Variants in CUBN observed in about 807,000 individuals in gnomAD.
The protein encoded by CUBN is 460 kDa receptor.
A neutral mutation model predicts 405.3 loss-of-function variants in CUBN; 282 were observed. The ratio of observed to expected loss-of-function variants is 0.70; its 90% CI spans 0.63 to 0.77. CUBN has a LOEUF of 0.77. CUBN is among the 30% of genes least tolerant of loss of function. The pLI is 0.00. For synonymous variants in CUBN, 1,684 were observed against 1,617.0 expected (o/e 1.04, Z -0.99); for missense variants, 4,514 against 4,475.2 (o/e 1.01, Z -0.25).
intron 54 of CUBN, among the ~76,000 whole-genome samples, chr10:16,896,826 G>T (rs1430640761): frequency 6.6e-6 from 1 of 152,100 alleles, no homozygotes; most frequent in Non-Finnish European, 1.5e-5. Context: ...CCCTAAGTCT[G>T]TGTTGATCTA....
intron 24 of CUBN, 116 bp downstream of exon 24, chr10:17,045,818 A>C (rs1187820097): frequency 1.0e-6 from 1 of 999,844 alleles, no homozygotes; most frequent in Non-Finnish European, 1.6e-6. Context: ...TGCAATATTG[A>C]AGTTTAAATA....
At chr10:16,852,018 CTCTA>C (rs1171121526) in intron 59 of CUBN, among the ~76,000 whole-genome samples, 1 of 86,580 alleles carries the variant, frequency 1.2e-5, no homozygotes, top group African/African-American at 5.0e-5. Flanking sequence ...GCCTCCCTCA[CTCTA>C]TCTTTCCCTC....
intron 31 of CUBN, among the ~76,000 whole-genome samples, chr10:16,965,411 G>T (rs1429493864): frequency 6.6e-6 from 1 of 152,164 alleles, no homozygotes; most frequent in Non-Finnish European, 1.5e-5. Flanking sequence ...ACGTGGACGT[G>T]ATGCAGAGCA....
Position 16,835,392 on chromosome 10 carries a change from T to C in CUBN, c.10181-197A>G, listed in dbSNP as rs703061. On this transcript the variant is annotated intron_variant, in intron 63 of 66. Transcript: ENST00000377833. ...GCTCAAGCAGCACACACAGGTGCAA[T>C]GCAACAGCTCGTTCACACAAACACG... Among the ~76,000 whole-genome samples the C allele has an allele frequency of 0.98, 148,792 of 152,326 alleles. 72,720 individuals carry two copies. The highest frequency in any genetic ancestry group is 1 in the East Asian group (5,177 of 5,178).
chr10:16,844,900 A>G (rs1392916206), intron 60 of CUBN, among the ~76,000 whole-genome samples: 2 of 152,246 alleles, frequency 1.3e-5, no homozygotes, highest in Non-Finnish European at 2.9e-5. Flanking sequence ...ACACCATTAT[A>G]CGCAGCTACG....
chr10:16,974,146 A>T (rs115338121), intron 31 of CUBN, among the ~76,000 whole-genome samples: 1 of 152,106 alleles, frequency 6.6e-6, no homozygotes, highest in Non-Finnish European at 1.5e-5. Context: ...ATACCTAACA[A>T]TAAATCTGAC....
At chr10:16,984,668 C>T (rs1488371145) in intron 29 of CUBN, among the ~76,000 whole-genome samples, 3 of 151,968 alleles carry the variant, frequency 2.0e-5, no homozygotes, top group Admixed American at 6.6e-5. Flanking sequence ...TTTAGGGGGA[C>T]CTTTAAAAAA....
intron 55 of CUBN, among the ~76,000 whole-genome samples, chr10:16,889,482 G>T (rs139260295): frequency 6.6e-6 from 1 of 152,226 alleles, no homozygotes; most frequent in Admixed American, 6.5e-5. Context: ...CATTTCCCAC[G>T]AATCTAATAG....
chr10:17,022,596 T>A (rs778761984), intron 27 of CUBN, among the ~76,000 whole-genome samples: 1 of 152,174 alleles, frequency 6.6e-6, no homozygotes, highest in South Asian at 2.1e-4. Context: ...CACCCTCTCC[T>A]GCAGGCGGAG....
At chr10:16,940,499 A>T (rs574280382) in intron 36 of CUBN, among the ~76,000 whole-genome samples, 6 of 152,342 alleles carry the variant, frequency 3.9e-5, no homozygotes, top group East Asian at 3.9e-4. Flanking sequence ...ACAGAAAAAA[A>T]ATATATAAGG....
chr10:17,097,594 C>A (rs952094241), intron 14 of CUBN, among the ~76,000 whole-genome samples: 1 of 151,908 alleles, frequency 6.6e-6, no homozygotes, highest in Non-Finnish European at 1.5e-5. Context: ...GAATATCACC[C>A]AAATATAGAT....
chr10:16,909,207 A>G (rs1841651865), intron 48 of CUBN, among the ~76,000 whole-genome samples: 3 of 152,134 alleles, frequency 2.0e-5, no homozygotes, highest in Admixed American at 6.5e-5. Context: ...CTTTAAATTT[A>G]CTATAATTAA....
chr10:17,104,632 C>A (rs765556281), intron 11 of CUBN, 27 bp from the exon 12 acceptor site: 2 of 1,580,766 alleles, frequency 1.3e-6, no homozygotes, highest in Admixed American at 3.4e-5. Flanking sequence ...CACATAATAC[C>A]ATAAAACAAA....
Position 17,038,024 on chromosome 10 carries a change from C to T in CUBN, c.4017+3009G>A, listed in dbSNP as rs145460579. ...TGCGATCCCAGCTCACTGCAAACTC[C>T]GCCTCCCGGGTTCTAGTGATTCTCC... On this transcript the variant is annotated intron_variant, in intron 27 of 66. Transcript: ENST00000377833. Among the ~76,000 whole-genome samples, 1,462 of 151,976 alleles carry T rather than the reference C, an allele frequency of 9.6e-3. 19 individuals carry two copies. The highest frequency in any genetic ancestry group is 0.032 in the African/African-American group (1,317 of 41,426).
chr10:17,073,552 T>A (rs1564504456), intron 17 of CUBN, among the ~76,000 whole-genome samples: 1 of 151,510 alleles, frequency 6.6e-6, no homozygotes, highest in South Asian at 2.1e-4. Flanking sequence ...GTTCAAGTGA[T>A]TCTCCTGCCT....
intron 59 of CUBN, 74 bp downstream of exon 59, chr10:16,869,562 G>GT (rs1158125363): frequency 1.4e-5 from 14 of 978,606 alleles, no homozygotes; most frequent in African/African-American, 6.8e-5. Context: ...GGGGGTGGGG[G>GT]GGGGGCGGGG....
chr10:17,126,812 A>C lies in CUBN; in HGVS notation c.349-13T>G, dbSNP rs376909454. The C allele has an allele frequency of 9.0e-5, 146 of 1,614,004 alleles. No homozygotes were observed. The highest frequency in any genetic ancestry group is 2.3e-4 in the Admixed American group (14 of 60,000). Reference sequence around the variant, plus strand: ...CAAGATCCACCAGCTGGCAATAGGGAAGAAAAAGCTTCAGTTAGCTGGTTC... The same window carrying C: ...CAAGATCCACCAGCTGGCAATAGGGCAGAAAAAGCTTCAGTTAGCTGGTTC... On this transcript the variant is annotated splice_polypyrimidine_tract_variant and intron_variant, in intron 3 of 66. Coordinates refer to ENST00000377833, the MANE Select transcript of CUBN (RefSeq NM_001081.4).
At chr10:17,037,952 T>C (rs957414721) in intron 27 of CUBN, among the ~76,000 whole-genome samples, 11 of 151,796 alleles carry the variant, frequency 7.2e-5, no homozygotes, top group African/African-American at 2.7e-4. Flanking sequence ...CTTTTTTTTT[T>C]TTTTTAGACA....
At chr10:16,829,173 T>C in intron 65 of CUBN, 133 bp from the exon 66 acceptor site, 1 of 726,816 alleles carries the variant, frequency 1.4e-6, no homozygotes, top group Non-Finnish European at 2.4e-6. Context: ...AAATCCCTTT[T>C]CCTTTTCCTC....
Sources: allele counts gnomAD v4.1 joint callset (sites outside exome capture counted in the v4.1 genomes callset), GRCh38; gene constraint gnomAD v4.1.1; transcripts MANE v1.5; gene names NCBI Gene and HGNC (gene_info 2026-07-23, HGNC 2026-07-21).